Variants in SNW1 observed in about 807,000 individuals in gnomAD.
SNW1 encodes the protein SNW domain containing 1.
A neutral mutation model predicts 75.6 loss-of-function variants in SNW1; 9 were observed. That is an observed-to-expected ratio of 0.12 (90% CI 0.07 to 0.21). SNW1 has a LOEUF of 0.21. SNW1 is among the 10% of genes least tolerant of loss of function. The pLI, the probability that SNW1 is intolerant of heterozygous loss-of-function variation, is 1.00. For missense variants in SNW1, 409 were observed against 670.9 expected (o/e 0.61, Z 4.31); for synonymous variants, 200 against 219.1 (o/e 0.91, Z 0.77).
At chr14:77,728,236 G>A (rs1157107163) in intron 10 of SNW1, among the ~76,000 whole-genome samples, 1 of 152,076 alleles carries the variant, frequency 6.6e-6, no homozygotes, top group Non-Finnish European at 1.5e-5. Flanking sequence ...GATCACCTGA[G>A]GTCAGGAGTT....
rs777699815 is a variant in SNW1 at position 77,732,575 on chromosome 14, A to G, written c.801T>C (p.Arg267=). 1.2e-6 allele frequency: 2 copies of G among 1,611,660 alleles called. No individual in the cohort carries two copies. The highest frequency in any genetic ancestry group is 2.2e-5 in the South Asian group (2 of 91,044). Residue 267 remains arginine (R), a synonymous_variant, in exon 9 of 14, where the codon CGT becomes CGC. Coordinates refer to ENST00000261531, the MANE Select transcript of SNW1 (RefSeq NM_012245.3). ...AKGYTIPLDK[R]LAADGRGLQT... ...GTAGTCCTCTTCCATCAGCAGCCAG[A>G]CGTTTGTCTAATGGAATTGTATAAC... is the stretch of plus-strand genomic sequence containing the variant.
chr14:77,742,727 T>C (rs1439077487), intron 3 of SNW1, among the ~76,000 whole-genome samples: 1 of 151,796 alleles, frequency 6.6e-6, no homozygotes, highest in Non-Finnish European at 1.5e-5. Context: ...ATAGTACGTG[T>C]GTAACATTTC....
intron 3 of SNW1, among the ~76,000 whole-genome samples, chr14:77,746,351 A>T (rs747403841): frequency 5.9e-5 from 9 of 152,392 alleles, no homozygotes; most frequent in Admixed American, 1.3e-4. Flanking sequence ...GCAGTAAATC[A>T]AGCAAGAAAT....
intron 3 of SNW1, among the ~76,000 whole-genome samples, chr14:77,749,835 G>A (rs1297323556): frequency 1.3e-5 from 2 of 152,208 alleles, no homozygotes; most frequent in East Asian, 1.9e-4. Flanking sequence ...AAGAACTGTT[G>A]AGAAGATTAA....
chr14:77,717,684 T>C lies in SNW1; in HGVS notation c.*404A>G, dbSNP rs1595069760. The C allele has an allele frequency of 3.6e-5, 31 of 851,138 alleles. No individual in the cohort carries two copies. The East Asian group carries it at 6.8e-4, about 19-fold the overall frequency. 52.7% of individuals were successfully genotyped at this position (851,138 alleles called of 1,614,324 possible). ...CACTCCAAATTAAAACAGAGCACAA[T>C]AGGGGCAAAATTTATTTGGCAGGAC... On this transcript the variant is annotated 3_prime_UTR_variant, in exon 14 of 14. Coordinates refer to ENST00000261531, the MANE Select transcript of SNW1 (RefSeq NM_012245.3).
chr14:77,729,556 T>A (rs1247695983), intron 10 of SNW1, among the ~76,000 whole-genome samples: 1 of 152,200 alleles, frequency 6.6e-6, no homozygotes, highest in African/African-American at 2.4e-5. Flanking sequence ...AATGGTCATA[T>A]GGTACAAAGT....
At chr14:77,737,310 CAT>C (rs1465587117) in intron 5 of SNW1, among the ~76,000 whole-genome samples, 7 of 152,030 alleles carry the variant, frequency 4.6e-5, no homozygotes, top group African/African-American at 1.4e-4. Flanking sequence ...AACCCATCCT[CAT>C]ATGTTTTCCA....
chr14:77,747,041 C>A lies in SNW1; in HGVS notation c.330+4278G>T, dbSNP rs550285145. On this transcript the variant is annotated intron_variant, in intron 3 of 13. Transcript: ENST00000261531. ...GCCTGATTCTCCTGCCTCAGCCTGC[C>A]GAGTGCCTGGGATTGCAGGTGCGCG... Among the ~76,000 whole-genome samples, 941 of 152,166 alleles carry A rather than the reference C, an allele frequency of 6.2e-3. 10 individuals are homozygous for A. Among genetic ancestry groups the A allele is most frequent in the African/African-American group, 0.022 (908 of 41,520 alleles).
chr14:77,718,556 TA>T, intron 12 of SNW1, 26 bp from the exon 13 acceptor site: 1 of 1,435,788 alleles, frequency 7.0e-7, no homozygotes, highest in Non-Finnish European at 9.6e-7. Flanking sequence ...TGACATTAAA[TA>T]AAAGTGTAAA....
intron 10 of SNW1, among the ~76,000 whole-genome samples, chr14:77,726,470 T>A (rs176972): frequency 0.048 from 7,230 of 151,978 alleles, 293 homozygotes; most frequent in Admixed American, 0.14. Context: ...CTTCAATTAC[T>A]TTCATCAGTC....
intron 12 of SNW1, 56 bp downstream of exon 12, chr14:77,720,655 C>T (rs2080532224): frequency 8.7e-7 from 1 of 1,147,166 alleles, no homozygotes; most frequent in Non-Finnish European, 1.3e-6. Flanking sequence ...ATTTTCGTTT[C>T]CCTGAGGATA....
At position 77,757,989 on chromosome 14, in the gene SNW1, T is replaced by TTG. The variant is rs1264771991; in HGVS notation, c.15-2870_15-2869insCA. The stretch of plus-strand genomic sequence containing the variant: ...CAATCACAATTTTTCTCTATTGCAA[T>TTG]CAATCAATCACAATTTTTCTCTATC... On this transcript the variant is annotated intron_variant, in intron 1 of 13. Coordinates refer to ENST00000261531, the MANE Select transcript of SNW1 (RefSeq NM_012245.3). 1.2e-4 allele frequency among the ~76,000 whole-genome samples: 17 copies of TTG among 141,630 alleles called. No individual in the cohort carries two copies. In the East Asian group the frequency reaches 2.3e-3, roughly 19 times the overall value. 92.9% of individuals were successfully genotyped at this position (141,630 alleles called of 152,430 possible). A position where few individuals can be genotyped will look rare whatever the true frequency, so the allele number is the denominator to read the frequency against.
Position 77,755,103 on chromosome 14 carries a change from G to A in SNW1, c.32C>T (p.Thr11Ile). The A allele has an allele frequency of 6.2e-7, 1 of 1,612,570 alleles. No individual in the cohort carries two copies. Among genetic ancestry groups the A allele is most frequent in the Admixed American group, 1.7e-5 (1 of 59,844 alleles). MALTSFLPAPTQLSQDQLEAE... is the reference protein window; with the variant it reads MALTSFLPAPIQLSQDQLEAE... ...CTCAAGCTGGTCCTGAGATAGCTGA[G>A]TAGGTGCAGGTAAAAAGCTATAAGC... Residue 11 changes from threonine to isoleucine, a missense_variant, in exon 2 of 14, where the codon ACT (threonine) becomes ATT (isoleucine). By Grantham distance (89) the Thr-to-Ile change is moderately conservative. Around this residue, in one of 9 missense-constraint regions of SNW1, gnomAD observed 73 missense variants for 68.3 expected, o/e 1.07. Transcript: ENST00000261531.
rs763658256 is a variant in SNW1 at position 77,731,028 on chromosome 14, G to C, written c.993C>G (p.Ala331=). ...TTTTGATCCCAGCTCTTCTCTCCCTGGCTTTCTGGGCCATTTCTCTAAGTT... is the reference window on the plus strand; with the variant it reads ...TTTTGATCCCAGCTCTTCTCTCCCTCGCTTTCTGGGCCATTTCTCTAAGTT... ...EEKLREMAQK[A]RERRAGIKTH... Residue 331 remains alanine (A), a synonymous_variant, in exon 10 of 14, where the codon GCC becomes GCG. Coordinates refer to ENST00000261531, the MANE Select transcript of SNW1 (RefSeq NM_012245.3). 2.7e-5 allele frequency: 43 copies of C among 1,613,956 alleles called. No individual in the cohort carries two copies. The highest frequency in any genetic ancestry group is 3.3e-4 in the Middle Eastern group (2 of 6,060).
chr14:77,740,164 A>C (rs970842984), intron 3 of SNW1, among the ~76,000 whole-genome samples: 1 of 140,438 alleles, frequency 7.1e-6, no homozygotes, highest in Non-Finnish European at 1.6e-5. Context: ...AAAAAGAGAG[A>C]GATACAGAAA....
chr14:77,761,093 G>C (rs756770341), intron 1 of SNW1, 21 bp downstream of exon 1: 26 of 1,614,146 alleles, frequency 1.6e-5, no homozygotes, highest in Non-Finnish European at 2.2e-5. Context: ...TCCGTATCGA[G>C]GACCCCAATC....
intron 1 of SNW1, among the ~76,000 whole-genome samples, chr14:77,760,434 C>A (rs1160679112): frequency 6.6e-6 from 1 of 152,188 alleles, no homozygotes; most frequent in East Asian, 1.9e-4. Flanking sequence ...CGTAACTTCT[C>A]GGACTCTCCC....
chr14:77,728,461 AAATAAT>A (rs954069119), intron 10 of SNW1, among the ~76,000 whole-genome samples: 2 of 152,130 alleles, frequency 1.3e-5, no homozygotes, highest in Non-Finnish European at 2.9e-5. Context: ...CAAAAAAACC[AAATAAT>A]AATAATAATA....
At chr14:77,736,072 T>C (rs1297484348) in intron 6 of SNW1, 66 bp from the exon 7 acceptor site, 8 of 1,155,530 alleles carry the variant, frequency 6.9e-6, no homozygotes, top group South Asian at 2.7e-5. Context: ...ATATCAAGTC[T>C]CTCCTCCTTT....
Sources: allele counts gnomAD v4.1 joint callset (sites outside exome capture counted in the v4.1 genomes callset), GRCh38; gene constraint gnomAD v4.1.1; regional missense constraint gnomAD v4.1.1; transcripts MANE v1.5; gene names NCBI Gene and HGNC (gene_info 2026-07-23, HGNC 2026-07-21).